The following GRID2 variants were observed in gnomAD, a reference collection of about 807,000 sequenced individuals.
GRID2 encodes glutamate ionotropic receptor delta type subunit 2.
Under a neutral mutation model 114.8 loss-of-function variants are expected in GRID2, and 33 were observed. That is an observed-to-expected ratio of 0.29 (90% CI 0.22 to 0.38). The LOEUF (loss-of-function observed/expected upper bound fraction) is 0.38, where lower values mean the gene tolerates loss of function less well. GRID2 is among the 10% of genes least tolerant of loss of function. The probability of loss-of-function intolerance (pLI) is 1.00; values close to 1 mark genes in which losing one functional copy is unlikely to be tolerated. For synonymous variants in GRID2, 505 were observed against 449.9 expected (o/e 1.12, Z -1.55); for missense variants, 1,184 against 1,257.7 (o/e 0.94, Z 0.89).
At chr4:92,935,093 G>A (rs2149526079) in intron 2 of GRID2, among the ~76,000 whole-genome samples, 1 of 146,740 alleles carries the variant, frequency 6.8e-6, no homozygotes, top group African/African-American at 2.4e-5. Context: ...GCATCAGAGT[G>A]AACAGGCAAC....
At chr4:93,420,632 A>T (rs1243550399) in intron 9 of GRID2, among the ~76,000 whole-genome samples, 1 of 152,086 alleles carries the variant, frequency 6.6e-6, no homozygotes, top group East Asian at 1.9e-4. Context: ...TGATCTAATG[A>T]TCTTCAATAT....
chr4:93,564,231 T>C (rs1735195697), intron 13 of GRID2, among the ~76,000 whole-genome samples: 1 of 152,058 alleles, frequency 6.6e-6, no homozygotes, highest in African/African-American at 2.4e-5. Flanking sequence ...TGACTTGATT[T>C]TGCGTGATTG....
chr4:93,288,934 T>G (rs1170557872), intron 8 of GRID2, among the ~76,000 whole-genome samples: 1 of 152,218 alleles, frequency 6.6e-6, no homozygotes, highest in Non-Finnish European at 1.5e-5. Context: ...ACTGAATCTT[T>G]CTCAGTGCTC....
chr4:92,842,093 T>G (rs1265887032), intron 2 of GRID2, among the ~76,000 whole-genome samples: 1 of 152,144 alleles, frequency 6.6e-6, no homozygotes, highest in Non-Finnish European at 1.5e-5. Context: ...GTTAGATTTT[T>G]AAGAATGCTG....
At chr4:92,990,283 G>GTATATATATATATA (rs768992597) in intron 2 of GRID2, among the ~76,000 whole-genome samples, 21 of 49,122 alleles carry the variant, frequency 4.3e-4, no homozygotes, top group East Asian at 3.5e-3. Flanking sequence ...GTAGATATGT[G>GTATATATATATATA]TGTGTATATA....
At chr4:92,561,904 T>G (rs966153743) in intron 1 of GRID2, among the ~76,000 whole-genome samples, 2 of 152,278 alleles carry the variant, frequency 1.3e-5, no homozygotes, top group Non-Finnish European at 1.5e-5. Context: ...GATCACGTGA[T>G]TCTGGTGGTG....
chr4:93,416,076 G>A (rs1299146169), intron 9 of GRID2, among the ~76,000 whole-genome samples: 1 of 151,864 alleles, frequency 6.6e-6, no homozygotes, highest in Non-Finnish European at 1.5e-5. Flanking sequence ...CCGATGATCT[G>A]CTTTTCTTCT....
chr4:93,228,530 A>G (rs1412346863), intron 7 of GRID2, among the ~76,000 whole-genome samples: 1 of 152,194 alleles, frequency 6.6e-6, no homozygotes, highest in Non-Finnish European at 1.5e-5. Flanking sequence ...GGATAATTTT[A>G]ATGAGAATTT....
chr4:93,185,102 G>A (rs1440353794), intron 4 of GRID2, among the ~76,000 whole-genome samples: 1 of 152,124 alleles, frequency 6.6e-6, no homozygotes, highest in Non-Finnish European at 1.5e-5. Context: ...AAGTATGTCT[G>A]AAGAAAAGAT....
intron 2 of GRID2, among the ~76,000 whole-genome samples, chr4:93,075,895 T>C (rs1485758414): frequency 0.012 from 459 of 38,970 alleles, 15 homozygotes; most frequent in African/African-American, 0.039. Context: ...TTTTTTTTTT[T>C]TTTTTTTTTT....
chr4:93,577,914 A>G (rs1736575764), intron 13 of GRID2, among the ~76,000 whole-genome samples: 1 of 152,240 alleles, frequency 6.6e-6, no homozygotes, highest in South Asian at 2.1e-4. Flanking sequence ...ATGGGTAATA[A>G]CAATAAAATG....
chr4:93,409,488 G>A (rs1431852371), intron 9 of GRID2, among the ~76,000 whole-genome samples: 1 of 152,108 alleles, frequency 6.6e-6, no homozygotes, highest in African/African-American at 2.4e-5. Context: ...TCAATATGCT[G>A]ATGAAAGTTG....
chr4:93,252,209 A>G (rs187487054), intron 8 of GRID2, among the ~76,000 whole-genome samples: 2 of 152,126 alleles, frequency 1.3e-5, no homozygotes, highest in Non-Finnish European at 2.9e-5. Flanking sequence ...TTTTACATTT[A>G]ATTATTGAAT....
Position 93,164,217 on chromosome 4 carries a change from A to G in GRID2, c.736-43187A>G, listed in dbSNP as rs553360373. 2.0e-5 allele frequency among the ~76,000 whole-genome samples: 3 copies of G among 152,168 alleles called. No individual in the cohort carries two copies. In the South Asian group the frequency reaches 6.2e-4, roughly 32 times the overall value. ...CAGAGGGAAATACCGAACAATACAG[A>G]TGGCTCAGCAGAAATTGTAGAAAGC... On this transcript the variant is annotated intron_variant, in intron 4 of 15. Coordinates refer to ENST00000282020, the MANE Select transcript of GRID2 (RefSeq NM_001510.4).
intron 8 of GRID2, among the ~76,000 whole-genome samples, chr4:93,374,680 A>G (rs1226804240): frequency 1.3e-5 from 2 of 152,138 alleles, no homozygotes; most frequent in Admixed American, 6.6e-5. Flanking sequence ...ATTAACCAGA[A>G]ATTGGTGGTT....
At chr4:93,558,949 G>A (rs184996598) in intron 13 of GRID2, among the ~76,000 whole-genome samples, 489 of 152,166 alleles carry the variant, frequency 3.2e-3, no homozygotes, top group African/African-American at 0.011. Context: ...ATCAATAGAC[G>A]TAATCCATCA....
chr4:92,624,198 TTATCCAAA>T (rs1730410684), intron 2 of GRID2, among the ~76,000 whole-genome samples: 2 of 151,864 alleles, frequency 1.3e-5, no homozygotes, highest in East Asian at 1.9e-4. Flanking sequence ...AGTGTTTTAA[TTATCCAAA>T]GTATACACAA....
rs199642301 is a variant in GRID2, at chr4:93,760,831, C to CT, written c.2361-8372dup. ...AATCATAATCACTTCCCTGGAATTT[C>CT]TTTTTTTAGGAGTGTAATATCTGCT... On this transcript the variant is annotated intron_variant, in intron 14 of 15. Transcript: ENST00000282020. Among the ~76,000 whole-genome samples, 1,076 of 152,244 alleles carry CT rather than the reference C, an allele frequency of 7.1e-3. 15 individuals carry two copies. The highest frequency in any genetic ancestry group is 0.025 in the African/African-American group (1,028 of 41,548).
At chr4:93,614,255 C>T (rs1741339609) in intron 13 of GRID2, among the ~76,000 whole-genome samples, 1 of 152,140 alleles carries the variant, frequency 6.6e-6, no homozygotes, top group Non-Finnish European at 1.5e-5. Context: ...GATGGAAATG[C>T]AGAAATCACC....
Sources: gnomAD v4.1 joint callset for allele counts (sites outside exome capture counted in the v4.1 genomes callset) on GRCh38, gnomAD v4.1.1 for gene constraint, MANE v1.5 for transcripts, NCBI Gene and HGNC (gene_info 2026-07-23, HGNC 2026-07-21) for gene names.